Variants in GABRB2 observed in about 807,000 individuals in gnomAD.
The protein encoded by GABRB2 is gamma-aminobutyric acid type A receptor subunit beta2.
In GABRB2, 16 loss-of-function variants were observed where a neutral mutation model predicts 54.7. That is an observed-to-expected ratio of 0.29 (90% CI 0.20 to 0.44). The LOEUF is 0.44. GABRB2 is among the 20% of genes least tolerant of loss of function. The pLI, the probability that GABRB2 is intolerant of heterozygous loss-of-function variation, is 1.00. For missense variants in GABRB2, 355 were observed against 644.0 expected (o/e 0.55, Z 4.86); for synonymous variants, 244 against 233.8 (o/e 1.04, Z -0.40).
intron 3 of GABRB2, among the ~76,000 whole-genome samples, chr5:161,489,028 G>A (rs1759019387): frequency 6.6e-6 from 1 of 151,714 alleles, no homozygotes; most frequent in African/African-American, 2.4e-5. Context: ...TGCAAGACAT[G>A]CTGAAATTTA....
intron 3 of GABRB2, among the ~76,000 whole-genome samples, chr5:161,542,146 T>A (rs1285833903): frequency 2.0e-5 from 3 of 152,188 alleles, no homozygotes; most frequent in Non-Finnish European, 4.4e-5. Flanking sequence ...CTTACCTCAG[T>A]GCAGTTCATG....
Position 161,522,831 on chromosome 5 carries a change from T to C in GABRB2, c.237+22396A>G, listed in dbSNP as rs140663817. Among the ~76,000 whole-genome samples, 138 of 151,710 alleles carry C rather than the reference T, an allele frequency of 9.1e-4. 1 individual carries two copies. Among genetic ancestry groups the C allele is most frequent in the African/African-American group, 3.1e-3 (129 of 41,506 alleles). On this transcript the variant is annotated intron_variant, in intron 3 of 9. Coordinates refer to ENST00000393959, the MANE Select transcript of GABRB2 (RefSeq NM_001371727.1). ...TACAGCTGTTTTGACCATTAAATTT[T>C]AATGTGTTTTTCCGGATATTATCAT...
chr5:161,326,047 C>A (rs908685997), intron 9 of GABRB2, among the ~76,000 whole-genome samples: 4 of 151,980 alleles, frequency 2.6e-5, no homozygotes, highest in African/African-American at 7.2e-5. Context: ...AACAATAAAA[C>A]TAAGAAATAA....
intron 5 of GABRB2, among the ~76,000 whole-genome samples, chr5:161,345,308 A>C (rs1042268880): frequency 1.3e-5 from 2 of 152,088 alleles, no homozygotes; most frequent in South Asian, 4.1e-4. Flanking sequence ...CTATGCTTTA[A>C]AAACCAAAAC....
At chr5:161,424,703 G>C (rs568851119) in intron 4 of GABRB2, among the ~76,000 whole-genome samples, 35 of 152,238 alleles carry the variant, frequency 2.3e-4, no homozygotes, top group Middle Eastern at 3.4e-3. Context: ...CCATTCTGCT[G>C]TCTATGGATC....
intron 5 of GABRB2, among the ~76,000 whole-genome samples, chr5:161,375,280 T>A (rs934435885): frequency 2.6e-5 from 4 of 152,186 alleles, no homozygotes; most frequent in Non-Finnish European, 4.4e-5. Context: ...GGGGACTAAA[T>A]CTTATAACAG....
intron 3 of GABRB2, among the ~76,000 whole-genome samples, chr5:161,472,386 A>G (rs1758466575): frequency 6.6e-6 from 1 of 151,416 alleles, no homozygotes; most frequent in Non-Finnish European, 1.5e-5. Flanking sequence ...CATTGCTTCT[A>G]TTACCCTCCA....
chr5:161,408,144 A>C (rs1437357067), intron 5 of GABRB2, among the ~76,000 whole-genome samples: 1 of 152,032 alleles, frequency 6.6e-6, no homozygotes, highest in African/African-American at 2.4e-5. Context: ...AAAATCTGAA[A>C]TATGAAAGGC....
At chr5:161,460,280 G>A (rs1262018990) in intron 3 of GABRB2, among the ~76,000 whole-genome samples, 2 of 152,126 alleles carry the variant, frequency 1.3e-5, no homozygotes, top group Admixed American at 6.5e-5. Context: ...GTGTGTGTGT[G>A]TGTGTGTGTG....
At chr5:161,322,818 G>T (rs10515826) in intron 9 of GABRB2, among the ~76,000 whole-genome samples, 18,816 of 151,924 alleles carry the variant, frequency 0.12, 1,583 homozygotes, top group African/African-American at 0.23. Context: ...AGATTGGTTT[G>T]TTAGTTTCAT....
At chr5:161,313,339 G>A (rs2113368117) in intron 9 of GABRB2, among the ~76,000 whole-genome samples, 1 of 151,890 alleles carries the variant, frequency 6.6e-6, no homozygotes, top group South Asian at 2.1e-4. Context: ...ATACATTCTG[G>A]TTGGACTGAG....
chr5:161,355,106 C>T (rs567105347), intron 5 of GABRB2, among the ~76,000 whole-genome samples: 3 of 151,884 alleles, frequency 2.0e-5, no homozygotes, highest in Admixed American at 6.6e-5. Context: ...TAAGATGTCA[C>T]CCAGGTCCCC....
chr5:161,480,446 C>T (rs1215886774), intron 3 of GABRB2, among the ~76,000 whole-genome samples: 3 of 151,958 alleles, frequency 2.0e-5, no homozygotes, highest in Non-Finnish European at 2.9e-5. Context: ...TTTTGTGTGG[C>T]TGCCAACAAG....
chr5:161,382,779 G>T (rs2113486104), intron 5 of GABRB2, among the ~76,000 whole-genome samples: 1 of 152,220 alleles, frequency 6.6e-6, no homozygotes, highest in Non-Finnish European at 1.5e-5. Context: ...CACTATTCAT[G>T]CTCACCCTGC....
At chr5:161,395,841 T>C (rs1193758293) in intron 5 of GABRB2, among the ~76,000 whole-genome samples, 2 of 152,102 alleles carry the variant, frequency 1.3e-5, no homozygotes, top group Admixed American at 6.6e-5. Flanking sequence ...CTCCAGCCCT[T>C]ATACCTTCTA....
chr5:161,488,522 G>C (rs1758995781), intron 3 of GABRB2, among the ~76,000 whole-genome samples: 1 of 151,652 alleles, frequency 6.6e-6, no homozygotes, highest in East Asian at 1.9e-4. Flanking sequence ...AAACCTCTAG[G>C]CTGAGAAAAA....
chr5:161,317,993 A>T (rs917884435), intron 9 of GABRB2, among the ~76,000 whole-genome samples: 1 of 152,012 alleles, frequency 6.6e-6, no homozygotes, highest in Non-Finnish European at 1.5e-5. Context: ...GTTCTTATAG[A>T]TGCATAAATC....
At chr5:161,544,323 G>A (rs1408878714) in intron 3 of GABRB2, among the ~76,000 whole-genome samples, 1 of 152,000 alleles carries the variant, frequency 6.6e-6, no homozygotes, top group African/African-American at 2.4e-5. Context: ...CTATCTAGAG[G>A]GACTTCTCCA....
At chr5:161,458,554 T>G (rs1459211354) in intron 4 of GABRB2, among the ~76,000 whole-genome samples, 2 of 152,150 alleles carry the variant, frequency 1.3e-5, no homozygotes, top group African/African-American at 4.8e-5. Context: ...AAAAATGAGA[T>G]AGAATAGACA....
Sources: allele counts gnomAD v4.1 joint callset (sites outside exome capture counted in the v4.1 genomes callset), GRCh38; gene constraint gnomAD v4.1.1; transcripts MANE v1.5; gene names NCBI Gene and HGNC (gene_info 2026-07-23, HGNC 2026-07-21).